AHCY: variants seen among roughly 807,000 people sequenced by gnomAD.
AHCY encodes the protein S-adenosyl-L-homocysteine hydrolase.
In AHCY, 24 loss-of-function variants were observed where a neutral mutation model predicts 45.4. The observed-to-expected ratio is 0.53, with a 90% CI of 0.38 to 0.74. The LOEUF (loss-of-function observed/expected upper bound fraction) is 0.74, where lower values mean the gene tolerates loss of function less well. Ranked by LOEUF, AHCY falls within the 30% of genes least tolerant of loss-of-function variation. The pLI, the probability that AHCY is intolerant of heterozygous loss-of-function variation, is 0.00. For synonymous variants in AHCY, 245 were observed against 235.1 expected, an observed-to-expected ratio of 1.04 and a Z score of -0.39; for missense variants, 449 against 594.1, an observed-to-expected ratio of 0.76 and a Z score of 2.54.
At chr20:34,269,470 C>T in the AHCY span, 1 of 400,260 alleles carries the variant, frequency 2.5e-6, no homozygotes, top group Non-Finnish European at 4.4e-6. Context: ...CACTCCCAGT[C>T]ACCGCTGCTG....
chr20:34,235,859 A>AG, the AHCY span, among the ~76,000 whole-genome samples: 52 of 37,448 alleles, frequency 1.4e-3, 1 homozygote, highest in East Asian at 8.3e-3. Flanking sequence ...GAAGGAAGGA[A>AG]GGAAGGAAAG....
chr20:34,248,506 T>C, the AHCY span, among the ~76,000 whole-genome samples: 4 of 152,100 alleles, frequency 2.6e-5, no homozygotes, highest in Non-Finnish European at 5.9e-5. Flanking sequence ...ATCCTCACCA[T>C]AAAAGAAATA....
At chr20:34,294,052 T>G (rs773112977) in intron 3 of AHCY, 29 bp downstream of exon 3, 1 of 1,610,758 alleles carries the variant, frequency 6.2e-7, no homozygotes, top group Non-Finnish European at 8.5e-7. Context: ...CTTCACAAAT[T>G]CCACGTCTCA....
At chr20:34,274,423 G>A in the AHCY span, among the ~76,000 whole-genome samples, 462 of 152,302 alleles carry the variant, frequency 3.0e-3, no homozygotes, top group South Asian at 0.031. Flanking sequence ...AAACCAGGCA[G>A]AGGGGACTCT....
the AHCY span, among the ~76,000 whole-genome samples, chr20:34,248,060 G>A: frequency 6.6e-6 from 1 of 152,096 alleles, no homozygotes; most frequent in African/African-American, 2.4e-5. Flanking sequence ...AGAAAAATTA[G>A]CCTGGCATGG....
the AHCY span, among the ~76,000 whole-genome samples, chr20:34,247,344 A>G: frequency 7.2e-6 from 1 of 138,686 alleles, no homozygotes; most frequent in Non-Finnish European, 1.5e-5. Context: ...TCTGTTGCCC[A>G]GGCTGGAGTG....
rs1243525108 is a variant in AHCY at position 34,290,975 on chromosome 20, G to A, written c.559-37C>T. ...GGGGGTAAGGAGACAATAGGGGCAG[G>A]CAAGGCCCTGGGGCCAGGACAACTT... is the stretch of plus-strand genomic sequence containing the variant. On this transcript the variant is annotated intron_variant, in intron 5 of 9. Transcript: ENST00000217426. This position sits in a 1 kb window ranked among gnomAD's most constrained non-coding sequence, Gnocchi z 4.5. The A allele has an allele frequency of 3.7e-6, 6 of 1,605,228 alleles. No individual in the cohort carries two copies. The South Asian group carries it at 5.5e-5, about 15-fold the overall frequency.
At chr20:34,257,608 T>C in the AHCY span, among the ~76,000 whole-genome samples, 3 of 152,184 alleles carry the variant, frequency 2.0e-5, no homozygotes, top group Admixed American at 1.3e-4. Context: ...CTATTCCAAA[T>C]GTTACTGTAT....
chr20:34,285,742 A>G, intron 8 of AHCY, 108 bp from the exon 9 acceptor site: 1 of 1,214,830 alleles, frequency 8.2e-7, no homozygotes, highest in African/African-American at 1.5e-5. Context: ...GAGGAGTCCG[A>G]ACTGCTCCAA....
the AHCY span, chr20:34,235,030 C>T: frequency 6.6e-6 from 1 of 152,138 alleles, no homozygotes; most frequent in African/African-American, 2.4e-5. Context: ...AAGTGATTGA[C>T]CTGGAAATGA....
At chr20:34,304,987 C>A (rs1290014150), upstream of AHCY, among the ~76,000 whole-genome samples, 1 of 151,184 alleles carries the variant, frequency 6.6e-6, no homozygotes, top group Non-Finnish European at 1.5e-5. Context: ...CGTGCCCGGC[C>A]TCTACTCATT....
the AHCY span, among the ~76,000 whole-genome samples, chr20:34,240,742 G>A: frequency 1.1e-4 from 16 of 152,196 alleles, no homozygotes; most frequent in African/African-American, 2.4e-4. Context: ...GTTTTATTCC[G>A]TCTCTTGGGA....
chr20:34,305,906 AC>A (rs2036890642), upstream of AHCY, among the ~76,000 whole-genome samples: 1 of 151,964 alleles, frequency 6.6e-6, no homozygotes, highest in Non-Finnish European at 1.5e-5. Flanking sequence ...ACATAGTGAA[AC>A]CCTGTATCTA....
Position 34,290,349 on chromosome 20 carries a change from C to A in AHCY, c.955G>T (p.Val319Leu). 1 of 1,614,150 alleles carries A rather than the reference C, an allele frequency of 6.2e-7. No individual in the cohort carries two copies. ...KWLNENAVEK[V>L]NIKPQVDRYR... is the part of the protein sequence containing the mutation. ...CTTCTCACCTGCGGCTTGATGTTCA[C>A]CTTCTCCACGGCGTTCTCGTTGAGC... The change falls in exon 8 of 10, where the codon GTG (valine) becomes TTG (leucine). Residue 319 changes from valine (V) to leucine (L), a missense_variant. Val to Leu is a conservative substitution (Grantham distance 32). Transcript: ENST00000217426. The surrounding 1 kb of genome is among the most constrained non-coding windows in gnomAD (Gnocchi z 4.5).
At chr20:34,293,899 G>A in intron 3 of AHCY, 182 bp downstream of exon 3, 1 of 696,892 alleles carries the variant, frequency 1.4e-6, no homozygotes. Context: ...AACTTCCACA[G>A]GATTTTAGAT....
intron 1 of AHCY, among the ~76,000 whole-genome samples, chr20:34,299,686 T>C (rs2036705171): frequency 6.6e-6 from 1 of 152,028 alleles, no homozygotes; most frequent in Non-Finnish European, 1.5e-5. Context: ...CATGTTGGAG[T>C]CCTCATGGCT....
chr20:34,286,085 A>G (rs1384060720), intron 8 of AHCY: 2 of 212,746 alleles, frequency 9.4e-6, no homozygotes, highest in Non-Finnish European at 1.9e-5. Context: ...AGCCTGGGCG[A>G]CGGAGCGAGA....
At chr20:34,263,102 A>C in the AHCY span, among the ~76,000 whole-genome samples, 27 of 152,288 alleles carry the variant, frequency 1.8e-4, no homozygotes, top group African/African-American at 6.3e-4. Context: ...ACTGAGCAAA[A>C]TAGGTTACGA....
chr20:34,233,191 A>G, the AHCY span, among the ~76,000 whole-genome samples: 1 of 127,868 alleles, frequency 7.8e-6, no homozygotes, highest in African/African-American at 3.3e-5. Flanking sequence ...TCTGTTGCCC[A>G]GGCTGGAGTA....
Sources: allele counts gnomAD v4.1 joint callset (sites outside exome capture counted in the v4.1 genomes callset), GRCh38; gene constraint gnomAD v4.1.1; non-coding constraint Gnocchi (gnomAD v3.1); transcripts MANE v1.5; gene names NCBI Gene and HGNC (gene_info 2026-07-23, HGNC 2026-07-21).